PRKG1: variants seen among roughly 807,000 people sequenced by gnomAD.
The protein encoded by PRKG1 is cGMP-dependent protein kinase 1.
PRKG1 carries 35 observed loss-of-function variants against 88.1 expected under a neutral mutation model. The ratio of observed to expected loss-of-function variants is 0.40; its 90% confidence interval spans 0.30 to 0.53. The LOEUF (loss-of-function observed/expected upper bound fraction) is 0.53. PRKG1 is among the 20% of genes least tolerant of loss of function. The probability of loss-of-function intolerance (pLI) is 0.59; values close to 1 mark genes in which losing one functional copy is unlikely to be tolerated. For missense variants in PRKG1, 540 were observed against 839.8 expected (o/e 0.64, Z 4.41); for synonymous variants, 303 against 292.5 (o/e 1.04, Z -0.37).
intron 2 of PRKG1, among the ~76,000 whole-genome samples, chr10:51,418,032 G>A (rs770843460): frequency 2.0e-5 from 3 of 152,066 alleles, no homozygotes; most frequent in Non-Finnish European, 2.9e-5. Context: ...CTTACCCTTC[G>A]CAGTTTCTAT....
intron 2 of PRKG1, among the ~76,000 whole-genome samples, chr10:51,266,948 A>C (rs994482596): frequency 6.6e-6 from 1 of 152,186 alleles, no homozygotes; most frequent in Non-Finnish European, 1.5e-5. Context: ...TAGATATATA[A>C]ACAAAGTAAA....
chr10:51,213,470 A>T (rs1838287806), intron 2 of PRKG1, among the ~76,000 whole-genome samples: 1 of 146,004 alleles, frequency 6.8e-6, no homozygotes, highest in South Asian at 2.1e-4. Flanking sequence ...GTATAATAAT[A>T]AAAAAAATGA....
At chr10:51,945,193 C>T (rs1377388537) in intron 5 of PRKG1, among the ~76,000 whole-genome samples, 1 of 148,716 alleles carries the variant, frequency 6.7e-6, no homozygotes, top group African/African-American at 2.5e-5. Context: ...TGAATTGATC[C>T]CTTTACCATT....
intron 2 of PRKG1, among the ~76,000 whole-genome samples, chr10:51,185,936 A>G (rs1339692760): frequency 2.0e-5 from 3 of 151,808 alleles, no homozygotes; most frequent in African/African-American, 7.2e-5. Flanking sequence ...GAATTATTTC[A>G]TCAAAGAGTA....
intron 3 of PRKG1, among the ~76,000 whole-genome samples, chr10:51,624,921 A>T (rs147369301): frequency 2.2e-3 from 329 of 152,324 alleles, no homozygotes; most frequent in Non-Finnish European, 3.4e-3. Context: ...AAGGGTGTCC[A>T]GGGAAGATTG....
intron 5 of PRKG1, among the ~76,000 whole-genome samples, chr10:51,921,470 G>A (rs1464398841): frequency 1.3e-5 from 2 of 152,012 alleles, no homozygotes; most frequent in Admixed American, 1.3e-4. Context: ...TGGTGTGAGG[G>A]GACATCCTTG....
At chr10:51,771,127 C>T (rs1184700207) in intron 3 of PRKG1, among the ~76,000 whole-genome samples, 4 of 152,046 alleles carry the variant, frequency 2.6e-5, no homozygotes, top group Non-Finnish European at 4.4e-5. Flanking sequence ...AAAGCAGTTG[C>T]GAGTTTAGCT....
chr10:51,856,000 T>A (rs1169597938), intron 4 of PRKG1, among the ~76,000 whole-genome samples: 1 of 152,202 alleles, frequency 6.6e-6, no homozygotes, highest in African/African-American at 2.4e-5. Context: ...CCAGGGAAGA[T>A]CTGTTCCTTT....
intron 9 of PRKG1, among the ~76,000 whole-genome samples, chr10:52,240,992 T>C (rs1840844957): frequency 6.6e-6 from 1 of 152,202 alleles, no homozygotes; most frequent in African/African-American, 2.4e-5. Context: ...AAAATACTGA[T>C]GCCTAGTCCC....
At chr10:51,874,112 C>T (rs1406334668) in intron 4 of PRKG1, among the ~76,000 whole-genome samples, 1 of 152,176 alleles carries the variant, frequency 6.6e-6, no homozygotes, top group African/African-American at 2.4e-5. Flanking sequence ...GGCAGGCAGG[C>T]ATATTCACTA....
intron 9 of PRKG1, among the ~76,000 whole-genome samples, chr10:52,212,804 G>A (rs528607852): frequency 6.6e-6 from 1 of 152,026 alleles, no homozygotes; most frequent in African/African-American, 2.4e-5. Flanking sequence ...ACCAAGTTTC[G>A]ATTTGGTTTC....
At chr10:52,077,476 A>G (rs916521531) in intron 7 of PRKG1, among the ~76,000 whole-genome samples, 4 of 152,190 alleles carry the variant, frequency 2.6e-5, no homozygotes, top group Non-Finnish European at 4.4e-5. Context: ...TTATAAAGGG[A>G]TACTAATAAA....
intron 8 of PRKG1, 109 bp downstream of exon 8, chr10:52,134,014 T>C (rs1480081691): frequency 1.2e-6 from 1 of 829,258 alleles, no homozygotes; most frequent in Admixed American, 3.0e-5. Context: ...TTTTATATCT[T>C]TTCATTTTTA....
At chr10:52,271,512 AG>A in intron 11 of PRKG1, 23 bp downstream of exon 11, 1 of 1,604,430 alleles carries the variant, frequency 6.2e-7, no homozygotes, top group South Asian at 1.1e-5. Context: ...TGCCAGGGAC[AG>A]ACGTACCCAA....
intron 1 of PRKG1, among the ~76,000 whole-genome samples, chr10:51,107,758 C>T (rs1379716557): frequency 7.4e-6 from 1 of 135,596 alleles, no homozygotes; most frequent in Non-Finnish European, 1.5e-5. Flanking sequence ...TGGGAAGTCG[C>T]AGTTTCAGTG....
chr10:51,714,031 G>A (rs978618311), intron 3 of PRKG1, among the ~76,000 whole-genome samples: 1 of 151,954 alleles, frequency 6.6e-6, no homozygotes, highest in Non-Finnish European at 1.5e-5. Context: ...CCAGACTGGA[G>A]TGCAGTGGCA....
chr10:51,089,792 A>T (rs2131862787), intron 1 of PRKG1, among the ~76,000 whole-genome samples: 1 of 152,330 alleles, frequency 6.6e-6, no homozygotes, highest in South Asian at 2.1e-4. Flanking sequence ...TACAGATGAG[A>T]AAATTAATTA....
At chr10:51,401,044 A>C (rs1002858992) in intron 2 of PRKG1, among the ~76,000 whole-genome samples, 2 of 152,208 alleles carry the variant, frequency 1.3e-5, no homozygotes, top group Non-Finnish European at 1.5e-5. Context: ...AGTGCTGCCA[A>C]ATACAAGTAT....
intron 2 of PRKG1, among the ~76,000 whole-genome samples, chr10:51,421,923 C>A (rs1456542267): frequency 1.3e-5 from 2 of 152,184 alleles, no homozygotes; most frequent in Admixed American, 6.6e-5. Context: ...TCTTAGTTTT[C>A]CACATTTGTA....
Sources: gnomAD v4.1 joint callset for allele counts (sites outside exome capture counted in the v4.1 genomes callset) on GRCh38, gnomAD v4.1.1 for gene constraint, MANE v1.5 for transcripts, NCBI Gene and HGNC (gene_info 2026-07-23, HGNC 2026-07-21) for gene names.